The following MFSD11 variants were observed in gnomAD, a reference collection of about 807,000 sequenced individuals.
The protein encoded by MFSD11 is UNC93-like protein MFSD11.
Under a neutral mutation model 53.5 loss-of-function variants are expected in MFSD11, and 36 were observed. The observed-to-expected ratio is 0.67, with a 90% confidence interval of 0.52 to 0.89. The LOEUF is 0.89. Ranked by LOEUF, MFSD11 falls within the 40% of genes least tolerant of loss-of-function variation. The probability of loss-of-function intolerance (pLI) is 0.00; values close to 1 mark genes in which losing one functional copy is unlikely to be tolerated. For synonymous variants in MFSD11, 186 were observed against 184.9 expected, an observed-to-expected ratio of 1.01 and a Z score of -0.05; for missense variants, 530 against 543.9, an observed-to-expected ratio of 0.97 and a Z score of 0.25.
At chr17:76,746,333 A>G (rs2078539543) in intron 7 of MFSD11, among the ~76,000 whole-genome samples, 1 of 152,238 alleles carries the variant, frequency 6.6e-6, no homozygotes, top group South Asian at 2.1e-4. Context: ...GAAAGAAACC[A>G]TCTCCATGAC....
At chr17:76,736,676 C>T (rs981007517), upstream of MFSD11, 5 of 1,234,364 alleles carry the variant, frequency 4.1e-6, no homozygotes, top group South Asian at 2.3e-5. Context: ...GGTCGCGAGA[C>T]GCGGCGTGCA....
chr17:76,769,712 A>T, intron 9 of MFSD11, 34 bp from the exon 10 acceptor site: 1 of 1,539,800 alleles, frequency 6.5e-7, no homozygotes, highest in Non-Finnish European at 8.8e-7. Context: ...ATGTGAATAT[A>T]TAAATGACAT....
At chr17:76,754,473 G>C (rs987436118) in intron 8 of MFSD11, among the ~76,000 whole-genome samples, 2 of 151,874 alleles carry the variant, frequency 1.3e-5, no homozygotes, top group African/African-American at 4.8e-5. Flanking sequence ...ACCTGAGGTC[G>C]GGAGTTCAAG....
At chr17:76,770,484 C>G (rs1036966504) in intron 10 of MFSD11, among the ~76,000 whole-genome samples, 2 of 152,228 alleles carry the variant, frequency 1.3e-5, no homozygotes, top group African/African-American at 4.8e-5. Flanking sequence ...CTCTGGTTCT[C>G]TGATTCCCTG....
chr17:76,737,808 C>T (rs1421335710), upstream of MFSD11: 1 of 161,344 alleles, frequency 6.2e-6, no homozygotes, highest in Non-Finnish European at 1.4e-5. Flanking sequence ...CCGTTCCTGA[C>T]TGCTCTTCGC....
the MFSD11 span, among the ~76,000 whole-genome samples, chr17:76,789,093 G>A: frequency 6.7e-6 from 1 of 150,018 alleles, no homozygotes; most frequent in Non-Finnish European, 1.5e-5. Flanking sequence ...AGTGAGCTGA[G>A]ATCACACCAT....
chr17:76,744,154 A>C (rs939090816), intron 6 of MFSD11, among the ~76,000 whole-genome samples, 168 bp from the exon 7 acceptor site: 21 of 152,218 alleles, frequency 1.4e-4, no homozygotes. Context: ...ACTGAAAGAC[A>C]AAGGTGAAGG....
downstream of MFSD11, among the ~76,000 whole-genome samples, chr17:76,785,109 A>G (rs2082257229): frequency 1.3e-5 from 2 of 152,236 alleles, no homozygotes. Context: ...GTACGTCTAT[A>G]CAATGAAGTA....
intron 4 of MFSD11, 31 bp from the exon 5 acceptor site, chr17:76,742,146 T>A: frequency 6.2e-7 from 1 of 1,613,920 alleles, no homozygotes; most frequent in Non-Finnish European, 8.5e-7. Flanking sequence ...TGAATTTCTT[T>A]CCCTTGATAA....
At chr17:76,761,031 C>T (rs1479700078) in intron 8 of MFSD11, among the ~76,000 whole-genome samples, 2 of 151,924 alleles carry the variant, frequency 1.3e-5, no homozygotes, top group Admixed American at 6.6e-5. Flanking sequence ...TGGCAAAACC[C>T]CATCTCTACT....
intron 11 of MFSD11, 116 bp downstream of exon 11, chr17:76,775,287 C>A: frequency 3.4e-6 from 3 of 870,082 alleles, no homozygotes; most frequent in Non-Finnish European, 5.2e-6. Context: ...TCTCTAAGGT[C>A]ATCTGTCAAG....
chr17:76,770,031 C>CTTTTTTT (rs367900405), intron 10 of MFSD11, among the ~76,000 whole-genome samples, 160 bp downstream of exon 10: 1 of 131,078 alleles, frequency 7.6e-6, no homozygotes, highest in African/African-American at 2.9e-5. Context: ...TATTCTTTTT[C>CTTTTTTT]TTTTTTTTTT....
At chr17:76,742,137 G>A in intron 4 of MFSD11, 40 bp from the exon 5 acceptor site, 1 of 1,613,630 alleles carries the variant, frequency 6.2e-7, no homozygotes, top group Middle Eastern at 1.7e-4. Flanking sequence ...GACTCTAAGT[G>A]AATTTCTTTC....
rs765908901 is a variant in MFSD11, at chr17:76,775,124, G to A, written c.1002G>A (p.Pro334=). The A allele has an allele frequency of 3.7e-6, 6 of 1,613,976 alleles. No individual in the cohort carries two copies. Among genetic ancestry groups the A allele is most frequent in the East Asian group, 2.2e-5 (1 of 44,882 alleles). Residue 334 remains proline (P), a synonymous_variant, in exon 11 of 13, where the codon CCG becomes CCA. Transcript: ENST00000685175. Reference sequence around the variant, plus strand: ...TTCTCAACATGCCTGGAGATGCCCCGATTGCTCCTGTTAAAGGAACTGACA... The same window carrying A: ...TTCTCAACATGCCTGGAGATGCCCCAATTGCTCCTGTTAAAGGAACTGACA... ...LIFLNMPGDA[P]IAPVKGTDSS... is the part of the protein sequence containing the mutation.
rs2081222620 is a variant in MFSD11 at position 76,769,747 on chromosome 17, TCTGG to T, written c.751_754del (p.Leu251AsnfsTer2). The T allele has an allele frequency of 6.3e-7, 1 of 1,588,236 alleles. No homozygotes were observed. Among genetic ancestry groups the T allele is most frequent in the Non-Finnish European group, 8.5e-7 (1 of 1,170,692 alleles). On this transcript the variant is annotated frameshift_variant and splice_region_variant, in exon 10 of 13. Transcript: ENST00000685175. LOFTEE classifies it high-confidence loss of function. The stretch of plus-strand genomic sequence containing the variant: ...TCTGTTTTTTTTCTTTAACTAAAGG[TCTGG>T]AATTAACTTTCTTCTCTGGTGTATA...
intron 10 of MFSD11, among the ~76,000 whole-genome samples, chr17:76,773,931 T>C (rs571942199): frequency 2.6e-5 from 4 of 152,018 alleles, no homozygotes; most frequent in South Asian, 4.2e-4. Flanking sequence ...TTAAATTATT[T>C]TTTTATTTTT....
downstream of MFSD11, among the ~76,000 whole-genome samples, chr17:76,779,938 G>A (rs903433967): frequency 3.4e-4 from 52 of 152,170 alleles, no homozygotes; most frequent in African/African-American, 1.2e-3. Flanking sequence ...TCTGAGCTGC[G>A]TCATCAGGCC....
intron 12 of MFSD11, among the ~76,000 whole-genome samples, chr17:76,777,128 C>T (rs920540442): frequency 6.6e-6 from 1 of 152,012 alleles, no homozygotes; most frequent in Non-Finnish European, 1.5e-5. Flanking sequence ...ATTAGCCGGG[C>T]GTGGTGGCAC....
chr17:76,773,843 T>C (rs1457631588), intron 10 of MFSD11, among the ~76,000 whole-genome samples: 1 of 152,134 alleles, frequency 6.6e-6, no homozygotes, highest in East Asian at 1.9e-4. Flanking sequence ...CTTGACCTCG[T>C]GATCTGCCCA....
Sources: gnomAD v4.1 joint callset for allele counts (sites outside exome capture counted in the v4.1 genomes callset) on GRCh38, gnomAD v4.1.1 for gene constraint, MANE v1.5 for transcripts, NCBI Gene and HGNC (gene_info 2026-07-23, HGNC 2026-07-21) for gene names.